The following VLDLR variants were observed in gnomAD, a reference collection of about 807,000 sequenced individuals.
VLDLR encodes the protein very low-density lipoprotein receptor.
A neutral mutation model predicts 112.7 loss-of-function variants in VLDLR; 81 were observed. That is an observed-to-expected ratio of 0.72 (90% CI 0.60 to 0.86). The LOEUF (loss-of-function observed/expected upper bound fraction) is 0.86, where lower values mean the gene tolerates loss of function less well. VLDLR is among the 40% of genes least tolerant of loss of function. VLDLR has a pLI of 0.00. For missense variants in VLDLR, 1,237 were observed against 1,099.4 expected (o/e 1.13, Z -1.77); for synonymous variants, 436 against 384.8 (o/e 1.13, Z -1.56).
At chr9:2,633,049 AGAGTGT>A (rs1462226761) in intron 1 of VLDLR, among the ~76,000 whole-genome samples, 44 of 107,092 alleles carry the variant, frequency 4.1e-4, no homozygotes, top group African/African-American at 1.2e-3. Context: ...AGAGAGAGAG[AGAGTGT>A]GTGTGTGTGT....
chr9:2,654,768 AC>A lies in VLDLR; in HGVS notation c.*901del, dbSNP rs1237358963. ...TTAACTTGTTTCCTGATCGAGAAAC[AC>A]GTGCTAAGATTTCTATGAATTCTGC... On this transcript the variant is annotated 3_prime_UTR_variant, in exon 19 of 19. Coordinates refer to ENST00000382100, the MANE Select transcript of VLDLR (RefSeq NM_003383.5). 6.6e-6 allele frequency: 1 copy of A among 152,204 alleles called. No homozygotes were observed. The highest frequency in any genetic ancestry group is 2.4e-5 in the African/African-American group (1 of 41,452). The allele number at this position is 152,204 out of a possible 1,614,324, so 9.4% of individuals were successfully genotyped here.
intron 1 of VLDLR, among the ~76,000 whole-genome samples, chr9:2,622,750 G>C (rs1816880549): frequency 6.6e-6 from 1 of 152,138 alleles, no homozygotes; most frequent in Non-Finnish European, 1.5e-5. Flanking sequence ...GGGACGCGGA[G>C]CGCCAGGGGC....
At position 2,641,338 on chromosome 9, in the gene VLDLR, C is replaced by T. The variant is rs758981179; in HGVS notation, c.326-39C>T. ...ACAGGAGCAGCAGCTTTGCATTGAT[C>T]AGTTCTGAGGCTCTTTTGAGACTGT... On this transcript the variant is annotated intron_variant, in intron 3 of 18. Transcript: ENST00000382100. 5 of 1,613,258 alleles carry T rather than the reference C, an allele frequency of 3.1e-6. No homozygotes were observed. The African/African-American group carries it at 4.0e-5, about 13-fold the overall frequency.
At position 2,656,037 on chromosome 9, in the gene VLDLR, T is replaced by C. The variant is rs1241745008; in HGVS notation, c.*2169T>C. ...ATTGCTTTCCCCATTATAAGGATTATACAGTATTAATTAATTATAAGGCCC... is the reference window on the plus strand; with the variant it reads ...ATTGCTTTCCCCATTATAAGGATTACACAGTATTAATTAATTATAAGGCCC... On this transcript the variant is annotated 3_prime_UTR_variant, in exon 19 of 19. Coordinates refer to ENST00000382100, the MANE Select transcript of VLDLR (RefSeq NM_003383.5). 1 of 152,106 alleles carries C rather than the reference T, an allele frequency of 6.6e-6. No homozygotes were observed. Among genetic ancestry groups the C allele is most frequent in the Non-Finnish European group, 1.5e-5 (1 of 68,024 alleles). The allele number at this position is 152,106 out of a possible 1,614,324, so 9.4% of individuals were successfully genotyped here.
At chr9:2,628,171 T>G (rs1356686600) in intron 1 of VLDLR, among the ~76,000 whole-genome samples, 1 of 152,180 alleles carries the variant, frequency 6.6e-6, no homozygotes, top group Non-Finnish European at 1.5e-5. Flanking sequence ...GCCCATGCCT[T>G]AGGGGATCTC....
intron 2 of VLDLR, among the ~76,000 whole-genome samples, chr9:2,636,642 C>T (rs1420131804): frequency 1.3e-5 from 2 of 152,186 alleles, no homozygotes; most frequent in Admixed American, 6.5e-5. Flanking sequence ...AAACTTACAT[C>T]CAGTCTCAGG....
At chr9:2,651,532 A>T (rs1195359560) in intron 16 of VLDLR, 34 bp downstream of exon 16, 6 of 1,529,446 alleles carry the variant, frequency 3.9e-6, no homozygotes, top group Non-Finnish European at 5.4e-6. Context: ...TGTTAATCTC[A>T]ACTAACAGCC....
At position 2,628,940 on chromosome 9, in the gene VLDLR, T is replaced by C. The variant is rs533989747; in HGVS notation, c.83-6513T>C. Among the ~76,000 whole-genome samples, 16 of 152,332 alleles carry C rather than the reference T, an allele frequency of 1.1e-4. No individual in the cohort carries two copies. The South Asian group carries it at 2.5e-3, about 24-fold the overall frequency. Reference sequence around the variant, plus strand: ...AACATTAGGCCTTATGAGGGTGTTATTGGTATATGCTACAACCCTGAAAAT... The same window carrying C: ...AACATTAGGCCTTATGAGGGTGTTACTGGTATATGCTACAACCCTGAAAAT... On this transcript the variant is annotated intron_variant, in intron 1 of 18. Transcript: ENST00000382100.
chr9:2,634,409 T>G (rs147750862), intron 1 of VLDLR, among the ~76,000 whole-genome samples: 1 of 152,346 alleles, frequency 6.6e-6, no homozygotes, highest in Non-Finnish European at 1.5e-5. Context: ...ATGATTCCAC[T>G]GTTTTTCTCA....
chr9:2,622,173 C>G lies in VLDLR; in HGVS notation c.-17C>G. 1 of 1,443,892 alleles carries G rather than the reference C, an allele frequency of 6.9e-7. No homozygotes were observed. Among genetic ancestry groups the G allele is most frequent in the Non-Finnish European group, 9.2e-7 (1 of 1,091,628 alleles). 89.4% of individuals were successfully genotyped at this position (1,443,892 alleles called of 1,614,324 possible). ...GGCGGCGGCGGCGGCGGCGGCGGCA[C>G]CATCCAGGCGGGCACCATGGGCACG... On this transcript the variant is annotated 5_prime_UTR_variant, in exon 1 of 19. Transcript: ENST00000382100.
rs577463752 is a variant in VLDLR, at chr9:2,645,629, A to T, written c.1368A>T (p.Leu456Phe). The T allele has an allele frequency of 6.2e-7, 1 of 1,614,228 alleles. No individual in the cohort carries two copies. The highest frequency in any genetic ancestry group is 1.3e-5 in the African/African-American group (1 of 75,060). Residue 456 changes from leucine (L) to phenylalanine (F), a missense_variant, in exon 10 of 19, where the codon TTA becomes TTT. Transcript: ENST00000382100. ...TNRRDIRKIG[L>F]ERKEYIQLVE... Reference sequence around the variant, plus strand: ...GAAGAGACATCAGGAAGATTGGCTTAGAGAGGAAAGAATATATCCAACTAG... The same window carrying T: ...GAAGAGACATCAGGAAGATTGGCTTTGAGAGGAAAGAATATATCCAACTAG...
Position 2,647,560 on chromosome 9 carries a change from C to T in VLDLR, c.1790C>T (p.Ala597Val), listed in dbSNP as rs369741873. The T allele has an allele frequency of 2.4e-5, 39 of 1,613,930 alleles. No individual in the cohort carries two copies. Among genetic ancestry groups the T allele is most frequent in the Admixed American group, 1.8e-4 (11 of 60,000 alleles). The change falls in exon 12 of 19, where the codon GCG (alanine) becomes GTG (valine). Residue 597 changes from alanine (A) to valine (V), a missense_variant. Transcript: ENST00000382100. ...NGFDRRPLVT[A>V]DIQWPNGITL... ...TTCGATAGACGTCCACTGGTGACAG[C>T]GGATATCCAGTGGCCTAACGGAATT...
chr9:2,634,958 C>G (rs1457355659), intron 1 of VLDLR, among the ~76,000 whole-genome samples: 1 of 152,194 alleles, frequency 6.6e-6, no homozygotes, highest in Admixed American at 6.5e-5. Flanking sequence ...TATAGCCACA[C>G]ACGTAGTTTC....
rs34843491 is a variant in VLDLR at position 2,635,195 on chromosome 9, T to G, written c.83-258T>G. Among the ~76,000 whole-genome samples the G allele has an allele frequency of 0.012, 1,859 of 152,280 alleles. 41 individuals carry two copies. Among genetic ancestry groups the G allele is most frequent in the African/African-American group, 0.043 (1,769 of 41,548 alleles). Reference sequence around the variant, plus strand: ...ATATACCATTTTAGTTTACATTCCATTAGTCAGAATGTAGCCCCTTGGCTG... The same window carrying G: ...ATATACCATTTTAGTTTACATTCCAGTAGTCAGAATGTAGCCCCTTGGCTG... On this transcript the variant is annotated intron_variant, in intron 1 of 18. Coordinates refer to ENST00000382100, the MANE Select transcript of VLDLR (RefSeq NM_003383.5).
intron 1 of VLDLR, among the ~76,000 whole-genome samples, chr9:2,634,904 G>GA (rs1817533931): frequency 2.0e-5 from 3 of 152,256 alleles, no homozygotes; most frequent in Admixed American, 2.0e-4. Flanking sequence ...TAATAGTATG[G>GA]ATGTGGACAA....
Position 2,643,678 on chromosome 9 carries a change from A to T in VLDLR, c.871A>T (p.Ile291Phe), listed in dbSNP as rs775263715. Residue 291 changes from isoleucine (I) to phenylalanine (F), a missense_variant, in exon 6 of 19, where the codon ATC becomes TTC. By Grantham distance (21) the Ile-to-Phe change is conservative. Transcript: ENST00000382100. ...DQFECEDGSC[I>F]HGSRQCNGIR... ...ATTTGAATGTGAGGATGGCAGCTGC[A>T]TCCATGGCAGCAGGCAGTGTAATGG... 1 of 1,614,240 alleles carries T rather than the reference A, an allele frequency of 6.2e-7. No homozygotes were observed.
chr9:2,623,021 G>GAGGGGAGA (rs1816904842), intron 1 of VLDLR, among the ~76,000 whole-genome samples: 1 of 152,254 alleles, frequency 6.6e-6, no homozygotes, highest in Admixed American at 6.5e-5. Context: ...AGGGGGAGTG[G>GAGGGGAGA]AGGGGAGACT....
intron 1 of VLDLR, among the ~76,000 whole-genome samples, chr9:2,628,214 C>T (rs886298745): frequency 1.3e-5 from 2 of 152,186 alleles, no homozygotes; most frequent in Non-Finnish European, 2.9e-5. Context: ...TAGCTGAACT[C>T]ATCTCCTTGG....
In VLDLR at chr9:2,635,541, C is replaced by T; in HGVS notation, c.171C>T (p.Asp57=). The T allele has an allele frequency of 6.2e-7, 1 of 1,614,130 alleles. No individual in the cohort carries two copies. Among genetic ancestry groups the T allele is most frequent in the Non-Finnish European group, 8.5e-7 (1 of 1,179,988 alleles). ...TLLWKCDGDE[D]CVDGSDEKNC... ...TGTGGAAATGTGATGGGGATGAAGA[C>T]TGTGTTGACGGCAGTGATGAAAAGA... Residue 57 remains aspartate (D), a synonymous_variant, in exon 2 of 19, where the codon GAC becomes GAT. Transcript: ENST00000382100.
Sources: gnomAD v4.1 joint callset for allele counts (sites outside exome capture counted in the v4.1 genomes callset) on GRCh38, gnomAD v4.1.1 for gene constraint, MANE v1.5 for transcripts, NCBI Gene and HGNC (gene_info 2026-07-23, HGNC 2026-07-21) for gene names.